Variants in SEC14L5 observed in about 807,000 individuals in gnomAD.
SEC14L5 encodes SEC14 like lipid binding 5, also known as SEC14-like protein 5.
In SEC14L5, 96 loss-of-function variants were observed where a neutral mutation model predicts 84.6. The ratio of observed to expected loss-of-function variants is 1.13; its 90% CI spans 0.96 to 1.34. The LOEUF (loss-of-function observed/expected upper bound fraction) is 1.34. SEC14L5 is among the 40% of genes most tolerant of loss of function. The pLI, the probability that SEC14L5 is intolerant of heterozygous loss-of-function variation, is 0.00. For missense variants in SEC14L5, 1,224 were observed against 942.5 expected (o/e 1.30, Z -3.91); for synonymous variants, 546 against 383.4 (o/e 1.42, Z -4.95).
intron 2 of SEC14L5, 145 bp from the exon 3 acceptor site, chr16:4,987,412 A>T (rs1052558883): frequency 8.1e-6 from 5 of 616,856 alleles, no homozygotes; most frequent in Non-Finnish European, 1.4e-5. Flanking sequence ...GATTGTTGGT[A>T]ATGACGGCAA....
At chr16:4,978,689 G>A (rs780299509) in intron 2 of SEC14L5, among the ~76,000 whole-genome samples, 19 of 151,944 alleles carry the variant, frequency 1.3e-4, no homozygotes, top group African/African-American at 3.9e-4. Flanking sequence ...TGCAAGCTCC[G>A]CCTCCTGGGT....
At chr16:4,981,432 T>A (rs1955422823) in intron 2 of SEC14L5, among the ~76,000 whole-genome samples, 1 of 152,016 alleles carries the variant, frequency 6.6e-6, no homozygotes, top group African/African-American at 2.4e-5. Context: ...CTGTTCTGTG[T>A]ATATCCTCCC....
chr16:4,958,646 G>A (rs1472284805), intron 1 of SEC14L5, among the ~76,000 whole-genome samples: 1 of 152,228 alleles, frequency 6.6e-6, no homozygotes, highest in Non-Finnish European at 1.5e-5. Context: ...ACGGGTGTGT[G>A]TGCGTGTGTG....
intron 14 of SEC14L5, chr16:5,010,777 A>C (rs1955790296): frequency 1.2e-5 from 4 of 325,918 alleles, no homozygotes; most frequent in Non-Finnish European, 2.3e-5. Flanking sequence ...TGGTTTGCAA[A>C]TCCCACTCAG....
chr16:4,959,319 T>C lies in SEC14L5; in HGVS notation c.-5T>C. 1 of 1,613,364 alleles carries C rather than the reference T, an allele frequency of 6.2e-7. No homozygotes were observed. The highest frequency in any genetic ancestry group is 8.5e-7 in the Non-Finnish European group (1 of 1,179,398). ...GGTGACCTCCATTGGTGCTCCAGCG[T>C]GAACATGGTGCAAAGATACCAGTCT... On this transcript the variant is annotated 5_prime_UTR_variant, in exon 2 of 16. Transcript: ENST00000251170.
At chr16:4,971,292 C>G (rs1444266422) in intron 2 of SEC14L5, among the ~76,000 whole-genome samples, 1 of 151,958 alleles carries the variant, frequency 6.6e-6, no homozygotes, top group African/African-American at 2.4e-5. Context: ...GACCTTGTCT[C>G]TACAAAAAAT....
chr16:4,991,086 C>G lies in SEC14L5; in HGVS notation c.474+191C>G, dbSNP rs75181791. Among the ~76,000 whole-genome samples the G allele has an allele frequency of 3.0e-4, 45 of 151,524 alleles. No individual in the cohort carries two copies. The East Asian group carries it at 6.6e-3, about 22-fold the overall frequency. On this transcript the variant is annotated intron_variant, in intron 5 of 15. Coordinates refer to ENST00000251170, the MANE Select transcript of SEC14L5 (RefSeq NM_014692.2). ...GTAACTGGTCTGTAACAGGGGCACCCTAATCCTCGCTCTGGCACCATGAGA... is the reference window on the plus strand; with the variant it reads ...GTAACTGGTCTGTAACAGGGGCACCGTAATCCTCGCTCTGGCACCATGAGA...
At chr16:5,000,316 T>C (rs1336749434) in intron 8 of SEC14L5, among the ~76,000 whole-genome samples, 1 of 152,118 alleles carries the variant, frequency 6.6e-6, no homozygotes, top group East Asian at 1.9e-4. Flanking sequence ...TAAAAATGTT[T>C]TGTAGAGAAG....
intron 2 of SEC14L5, among the ~76,000 whole-genome samples, chr16:4,982,047 C>G (rs1955430501): frequency 6.6e-6 from 1 of 152,126 alleles, no homozygotes; most frequent in African/African-American, 2.4e-5. Flanking sequence ...GGGAACGAGG[C>G]CTCCCTATTC....
chr16:4,990,453 A>G (rs1955540619), intron 4 of SEC14L5, among the ~76,000 whole-genome samples: 1 of 152,242 alleles, frequency 6.6e-6, no homozygotes, highest in African/African-American at 2.4e-5. Context: ...GTGAGCCGCC[A>G]TGCCCGACCT....
intron 10 of SEC14L5, among the ~76,000 whole-genome samples, chr16:5,001,161 A>G (rs144449671): frequency 4.1e-4 from 63 of 151,982 alleles, no homozygotes; most frequent in Non-Finnish European, 7.9e-4. Flanking sequence ...GCCGGTCAGG[A>G]CAGAGCTGGA....
intron 12 of SEC14L5, 121 bp downstream of exon 12, chr16:5,006,169 C>A: frequency 1.0e-6 from 1 of 978,484 alleles, no homozygotes; most frequent in Non-Finnish European, 1.5e-6. Flanking sequence ...CATGTGCACT[C>A]TGCCTAGGGC....
Position 5,015,150 on chromosome 16 carries a change from C to T in SEC14L5, c.*180C>T, listed in dbSNP as rs752041711. On this transcript the variant is annotated 3_prime_UTR_variant, in exon 16 of 16. Coordinates refer to ENST00000251170, the MANE Select transcript of SEC14L5 (RefSeq NM_014692.2). ...TCCAGAACTGGCCTGTGGGTGGTGT[C>T]AGGGCTCTTGAAATTGCAAGGACAG... The T allele has an allele frequency of 8.4e-6, 5 of 594,850 alleles. No individual in the cohort carries two copies. In the East Asian group the frequency reaches 1.4e-4, roughly 17 times the overall value. The allele number at this position is 594,850 out of a possible 1,614,324, so 36.8% of individuals were successfully genotyped here. A position where few individuals can be genotyped will look rare whatever the true frequency, so the allele number is the denominator to read the frequency against.
chr16:4,980,235 T>C (rs1306725963), intron 2 of SEC14L5, among the ~76,000 whole-genome samples: 1 of 152,266 alleles, frequency 6.6e-6, no homozygotes, highest in African/African-American at 2.4e-5. Context: ...GAAAGTCCTC[T>C]GATGCTGGAC....
chr16:5,010,034 C>G (rs191513912), intron 14 of SEC14L5, among the ~76,000 whole-genome samples: 222 of 151,946 alleles, frequency 1.5e-3, no homozygotes, highest in African/African-American at 5.1e-3. Context: ...GGTTTCAGAA[C>G]TGATGCAAAA....
At chr16:4,985,759 A>G (rs915325937) in intron 2 of SEC14L5, among the ~76,000 whole-genome samples, 1 of 150,574 alleles carries the variant, frequency 6.6e-6, no homozygotes, top group African/African-American at 2.4e-5. Context: ...ATATTTATAG[A>G]TACAATATAT....
chr16:4,970,108 G>A (rs1192926736), intron 2 of SEC14L5, among the ~76,000 whole-genome samples: 1 of 152,190 alleles, frequency 6.6e-6, no homozygotes, highest in African/African-American at 2.4e-5. Context: ...CACTGCACCT[G>A]GCCCATCTGG....
chr16:4,996,524 G>A, intron 7 of SEC14L5, 64 bp downstream of exon 7: 1 of 812,394 alleles, frequency 1.2e-6, no homozygotes, highest in South Asian at 1.5e-5. Context: ...CAGCCTCCGT[G>A]CATGGGAAGG....
intron 15 of SEC14L5, 104 bp downstream of exon 15, chr16:5,011,377 G>C (rs1016567255): frequency 5.8e-6 from 7 of 1,198,074 alleles, no homozygotes; most frequent in Non-Finnish European, 2.4e-6. Context: ...GCTTCTCCCG[G>C]GGTGGGACCC....
Sources: allele counts gnomAD v4.1 joint callset (sites outside exome capture counted in the v4.1 genomes callset), GRCh38; gene constraint gnomAD v4.1.1; transcripts MANE v1.5; gene names NCBI Gene and HGNC (gene_info 2026-07-23, HGNC 2026-07-21).